The following AKAP19 variants were observed in gnomAD, a reference collection of about 807,000 sequenced individuals.
AKAP19 encodes A-kinase anchoring protein 19, also known as small A-kinase anchoring protein.
At chr2:189,917,160 C>G in the AKAP19 span, 1 of 538,008 alleles carries the variant, frequency 1.9e-6, no homozygotes, top group Non-Finnish European at 3.2e-6. Flanking sequence ...ATGATTTAAA[C>G]AAAAGTTTTA....
the AKAP19 span, chr2:190,200,271 T>C: frequency 1.3e-6 from 1 of 770,406 alleles, no homozygotes; most frequent in Non-Finnish European, 2.2e-6. Context: ...TACGATAATG[T>C]CACTATTATA....
chr2:189,979,365 T>C, the AKAP19 span, among the ~76,000 whole-genome samples: 1 of 152,166 alleles, frequency 6.6e-6, no homozygotes, highest in Non-Finnish European at 1.5e-5. Flanking sequence ...CTGGGAAAAC[T>C]AGCCAGGCAT....
chr2:190,014,641 CCTT>C, the AKAP19 span, among the ~76,000 whole-genome samples: 1 of 151,984 alleles, frequency 6.6e-6, no homozygotes, highest in Admixed American at 6.6e-5. Flanking sequence ...CCTCAAATGT[CCTT>C]TTTTTTTTTT....
the AKAP19 span, among the ~76,000 whole-genome samples, chr2:189,958,586 A>G: frequency 6.7e-6 from 1 of 150,174 alleles, no homozygotes; most frequent in Admixed American, 6.6e-5. Flanking sequence ...GTGTGTGTGT[A>G]TATACACAGA....
At chr2:190,049,659 G>A in the AKAP19 span, among the ~76,000 whole-genome samples, 1 of 152,310 alleles carries the variant, frequency 6.6e-6, no homozygotes, top group East Asian at 1.9e-4. Flanking sequence ...GCAGTGGAAA[G>A]CATTTAAGCC....
At chr2:190,026,050 T>TA in the AKAP19 span, among the ~76,000 whole-genome samples, 2 of 152,180 alleles carry the variant, frequency 1.3e-5, no homozygotes, top group Admixed American at 6.5e-5. Flanking sequence ...CTGCTCATTT[T>TA]AAAAAAATAC....
At chr2:190,151,339 G>A in the AKAP19 span, among the ~76,000 whole-genome samples, 12 of 152,132 alleles carry the variant, frequency 7.9e-5, no homozygotes, top group African/African-American at 2.9e-4. Context: ...GCATGCGTTA[G>A]CTATTTATCC....
At chr2:190,069,175 T>TGTGAGA in the AKAP19 span, among the ~76,000 whole-genome samples, 649 of 123,512 alleles carry the variant, frequency 5.3e-3, 4 homozygotes, top group Middle Eastern at 0.024. Context: ...TGTGTGTGTG[T>TGTGAGA]GAGAGAGAGA....
At chr2:189,923,155 AAAAT>A in the AKAP19 span, among the ~76,000 whole-genome samples, 382 of 152,286 alleles carry the variant, frequency 2.5e-3, 4 homozygotes, top group Middle Eastern at 0.02. Context: ...CATCTCTAAA[AAAAT>A]AAATAAATAG....
the AKAP19 span, chr2:190,200,229 T>A: frequency 9.2e-7 from 1 of 1,081,414 alleles, no homozygotes; most frequent in Non-Finnish European, 1.4e-6. Context: ...TGTGAAAAAG[T>A]ACAAATAACT....
chr2:190,179,833 C>A, the AKAP19 span, among the ~76,000 whole-genome samples: 5 of 152,186 alleles, frequency 3.3e-5, no homozygotes, highest in African/African-American at 1.2e-4. This position sits in a 1 kb window ranked among gnomAD's most constrained non-coding sequence, Gnocchi z 6.0. Context: ...TCCCTTCAAG[C>A]ATGAATTTCG....
At chr2:190,177,203 T>C in the AKAP19 span, among the ~76,000 whole-genome samples, 8 of 152,210 alleles carry the variant, frequency 5.3e-5, no homozygotes, top group African/African-American at 1.9e-4. This position sits in a 1 kb window ranked among gnomAD's most constrained non-coding sequence, Gnocchi z 4.6. Flanking sequence ...CTTTGGCTTC[T>C]TATTTTGTAA....
the AKAP19 span, among the ~76,000 whole-genome samples, chr2:190,085,317 A>C: frequency 6.6e-6 from 1 of 152,242 alleles, no homozygotes; most frequent in African/African-American, 2.4e-5. Context: ...TGCAAATAAC[A>C]GTGTATTTCA....
chr2:190,101,827 C>A, the AKAP19 span, among the ~76,000 whole-genome samples: 1 of 152,226 alleles, frequency 6.6e-6, no homozygotes, highest in South Asian at 2.1e-4. Flanking sequence ...GACTTAAATT[C>A]AAAACTTGAC....
At chr2:190,038,748 G>A in the AKAP19 span, among the ~76,000 whole-genome samples, 5 of 152,256 alleles carry the variant, frequency 3.3e-5, no homozygotes, top group African/African-American at 1.2e-4. Context: ...CCTTAGCCCC[G>A]TGGCTTACCC....
the AKAP19 span, among the ~76,000 whole-genome samples, chr2:189,934,470 A>G: frequency 1.3e-5 from 2 of 151,988 alleles, no homozygotes; most frequent in Admixed American, 6.6e-5. Flanking sequence ...AAAATTGGAA[A>G]GAGTATATTT....
the AKAP19 span, among the ~76,000 whole-genome samples, chr2:190,049,230 A>C: frequency 1.3e-5 from 2 of 152,128 alleles, no homozygotes; most frequent in African/African-American, 4.8e-5. Flanking sequence ...TAATAGAAAA[A>C]AAAATGAGTG....
chr2:190,191,313 TC>T, the AKAP19 span, among the ~76,000 whole-genome samples: 3 of 152,052 alleles, frequency 2.0e-5, no homozygotes, highest in Non-Finnish European at 4.4e-5. Flanking sequence ...CTGCTAACTT[TC>T]TTGTATTTTC....
the AKAP19 span, among the ~76,000 whole-genome samples, chr2:190,004,275 A>AT: frequency 3.4e-5 from 5 of 147,470 alleles, no homozygotes. Flanking sequence ...AAGTATAATA[A>AT]TAATAAAAAA....
Sources: allele counts gnomAD v4.1 joint callset (sites outside exome capture counted in the v4.1 genomes callset), GRCh38; gene constraint gnomAD v4.1.1; non-coding constraint Gnocchi (gnomAD v3.1); transcripts MANE v1.5; gene names NCBI Gene and HGNC (gene_info 2026-07-23, HGNC 2026-07-21).